The following LDB2 variants were observed in gnomAD, a reference collection of about 807,000 sequenced individuals.
LDB2 encodes LIM domain binding 2, also known as LIM domain-binding protein 2.
In LDB2, 12 loss-of-function variants were observed where a neutral mutation model predicts 44.3. The ratio of observed to expected loss-of-function variants is 0.27; its 90% CI spans 0.17 to 0.44. LDB2 has a LOEUF of 0.44. Ranked by LOEUF, LDB2 falls within the 20% of genes least tolerant of loss-of-function variation. The pLI is 1.00. For synonymous variants in LDB2, 164 were observed against 174.8 expected, an observed-to-expected ratio of 0.94 and a Z score of 0.49; for missense variants, 344 against 473.5, an observed-to-expected ratio of 0.73 and a Z score of 2.54.
rs1489465919 is a variant in LDB2 at position 16,582,174 on chromosome 4, ATTTG to A, written c.615+3744_615+3747del. 6.6e-6 allele frequency among the ~76,000 whole-genome samples: 1 copy of A among 152,116 alleles called. No homozygotes were observed. The highest frequency in any genetic ancestry group is 3.2e-3 in the Middle Eastern group (1 of 316). On this transcript the variant is annotated intron_variant, in intron 5 of 7. Transcript: ENST00000304523. This position sits in a 1 kb window ranked among gnomAD's most constrained non-coding sequence, Gnocchi z 4.8. ...GGGAGCAATTTCTCTCCAAGAGTGT[ATTTG>A]TTTTTCTTTCTTACATTCTAGGCAG...
chr4:16,815,396 A>C (rs1211010165), intron 1 of LDB2, among the ~76,000 whole-genome samples: 2 of 152,222 alleles, frequency 1.3e-5, no homozygotes, highest in African/African-American at 4.8e-5. Flanking sequence ...AGGTTTACAC[A>C]ATCCAAATTT....
At chr4:16,552,465 C>T (rs1035788017) in intron 5 of LDB2, among the ~76,000 whole-genome samples, 3 of 152,036 alleles carry the variant, frequency 2.0e-5, no homozygotes, top group African/African-American at 7.2e-5. Context: ...AGGATTCCAC[C>T]TTTTTTCTTG....
At chr4:16,521,226 CAAG>C (rs575613538) in intron 5 of LDB2, among the ~76,000 whole-genome samples, 1 of 152,126 alleles carries the variant, frequency 6.6e-6, no homozygotes, top group Non-Finnish European at 1.5e-5. Flanking sequence ...AATCTGAAAT[CAAG>C]GAGTAGGCAG....
At chr4:16,503,762 G>A (rs900014209) in intron 7 of LDB2, among the ~76,000 whole-genome samples, 51 of 152,156 alleles carry the variant, frequency 3.4e-4, no homozygotes, top group African/African-American at 1.2e-3. Context: ...AGATGGAAGC[G>A]TGCAAGAAGA....
In LDB2 at chr4:16,521,217, A is replaced by G. The variant is rs116072352; in HGVS notation, c.616-9113T>C. ...ATGCTGTCTGTTCTGGAGGCTGGAA[A>G]TCTGAAATCAAGGAGTAGGCAGGGC... On this transcript the variant is annotated intron_variant, in intron 5 of 7. Coordinates refer to ENST00000304523, the MANE Select transcript of LDB2 (RefSeq NM_001290.5). Among the ~76,000 whole-genome samples, 630 of 152,234 alleles carry G rather than the reference A, an allele frequency of 4.1e-3. 5 individuals are homozygous for G. The highest frequency in any genetic ancestry group is 0.014 in the African/African-American group (586 of 41,544).
chr4:16,832,287 G>A (rs2110056933), intron 1 of LDB2, among the ~76,000 whole-genome samples: 1 of 152,302 alleles, frequency 6.6e-6, no homozygotes, highest in Non-Finnish European at 1.5e-5. Context: ...GGTGCAGTGA[G>A]AGGTCAAATA....
chr4:16,671,790 C>T (rs1476168930), intron 2 of LDB2, among the ~76,000 whole-genome samples: 8 of 152,040 alleles, frequency 5.3e-5, no homozygotes, highest in Admixed American at 2.0e-4. Flanking sequence ...AACCATCCAC[C>T]GAGAGCTCCT....
At chr4:16,512,253 A>G in intron 5 of LDB2, 149 bp from the exon 6 acceptor site, 1 of 727,724 alleles carries the variant, frequency 1.4e-6, no homozygotes, top group South Asian at 2.3e-5. Flanking sequence ...GAGGAAAAAT[A>G]AATATTACAA....
chr4:16,712,778 G>A, intron 2 of LDB2, among the ~76,000 whole-genome samples: 1 of 152,126 alleles, frequency 6.6e-6, no homozygotes, highest in East Asian at 1.9e-4. Context: ...TGGTGCAGCT[G>A]CTTTGGAAAA....
chr4:16,525,431 C>T (rs1727852401), intron 5 of LDB2, among the ~76,000 whole-genome samples: 1 of 152,212 alleles, frequency 6.6e-6, no homozygotes, highest in Non-Finnish European at 1.5e-5. Context: ...CCAGCCATTC[C>T]ATCACTGTGC....
At chr4:16,744,011 T>C (rs1383019646) in intron 2 of LDB2, among the ~76,000 whole-genome samples, 2 of 152,258 alleles carry the variant, frequency 1.3e-5, no homozygotes, top group Non-Finnish European at 2.9e-5. Context: ...TATACTTGGC[T>C]CTAAAATATT....
At chr4:16,814,181 T>G (rs556174885) in intron 1 of LDB2, among the ~76,000 whole-genome samples, 3 of 152,194 alleles carry the variant, frequency 2.0e-5, no homozygotes, top group Non-Finnish European at 4.4e-5. Context: ...GGGATACTGT[T>G]TTTCTAACAG....
Position 16,720,960 on chromosome 4 carries a change from T to G in LDB2, c.235+38198A>C, listed in dbSNP as rs1425033731. Among the ~76,000 whole-genome samples, 4 of 152,150 alleles carry G rather than the reference T, an allele frequency of 2.6e-5. No individual in the cohort carries two copies. The East Asian group carries it at 7.7e-4, about 29-fold the overall frequency. On this transcript the variant is annotated intron_variant, in intron 2 of 7. Transcript: ENST00000304523. ...GAGATGGAAAGCTCTCCATCTGTCA[T>G]GGAATGCAAGCCCAAGTTCAAGTCA...
intron 2 of LDB2, among the ~76,000 whole-genome samples, chr4:16,679,352 G>T (rs1000449725): frequency 1.3e-5 from 2 of 152,060 alleles, no homozygotes; most frequent in African/African-American, 4.8e-5. Flanking sequence ...AGGAAGGGAG[G>T]AAATCTTTTC....
intron 1 of LDB2, 40 bp downstream of exon 1, chr4:16,898,314 C>G: frequency 6.3e-7 from 1 of 1,594,224 alleles, no homozygotes; most frequent in Non-Finnish European, 8.6e-7. Flanking sequence ...CATAGCTTAA[C>G]AAAAATACAC....
intron 5 of LDB2, among the ~76,000 whole-genome samples, chr4:16,517,181 G>A (rs1468818035): frequency 1.3e-5 from 2 of 152,160 alleles, no homozygotes; most frequent in African/African-American, 2.4e-5. Flanking sequence ...AAGAGAATCT[G>A]GTGAAGGCTA....
intron 1 of LDB2, among the ~76,000 whole-genome samples, chr4:16,821,937 T>G (rs1438843665): frequency 6.6e-6 from 1 of 152,016 alleles, no homozygotes; most frequent in Non-Finnish European, 1.5e-5. Flanking sequence ...GTTTTCTTTT[T>G]CTGGAATGTT....
intron 2 of LDB2, among the ~76,000 whole-genome samples, chr4:16,752,882 GAA>G (rs201089189): frequency 2.1e-5 from 3 of 141,702 alleles, no homozygotes; most frequent in South Asian, 2.3e-4. Flanking sequence ...TCAATGGATG[GAA>G]AAAAAAAAAA....
At chr4:16,550,871 A>G (rs1737411999) in intron 5 of LDB2, among the ~76,000 whole-genome samples, 1 of 152,234 alleles carries the variant, frequency 6.6e-6, no homozygotes, top group Non-Finnish European at 1.5e-5. Context: ...CACCAGTGGG[A>G]AAACAAATAC....
Sources: gnomAD v4.1 joint callset for allele counts (sites outside exome capture counted in the v4.1 genomes callset) on GRCh38, gnomAD v4.1.1 for gene constraint, Gnocchi (gnomAD v3.1) non-coding constraint, MANE v1.5 for transcripts, NCBI Gene and HGNC (gene_info 2026-07-23, HGNC 2026-07-21) for gene names.